Variants in NWD1 observed in about 807,000 individuals in gnomAD.
NWD1 encodes the protein NACHT domain- and WD repeat-containing protein 1.
A neutral mutation model predicts 135.1 loss-of-function variants in NWD1; 129 were observed. That is an observed-to-expected ratio of 0.96 (90% CI 0.83 to 1.11). The LOEUF (loss-of-function observed/expected upper bound fraction) is 1.11, where lower values mean the gene tolerates loss of function less well. Among genes scored for constraint, NWD1 ranks in the 50% least tolerant of loss-of-function variants. The pLI, the probability that NWD1 is intolerant of heterozygous loss-of-function variation, is 0.00. For missense variants in NWD1, 1,740 were observed against 1,851.3 expected (o/e 0.94, Z 1.10); for synonymous variants, 773 against 786.0 (o/e 0.98, Z 0.28).
At chr19:16,773,943 C>CATCCATCCATCCATCCATCCATCCATCT (rs1285040221) in intron 11 of NWD1, among the ~76,000 whole-genome samples, 1 of 45,930 alleles carries the variant, frequency 2.2e-5, no homozygotes, top group Non-Finnish European at 4.0e-5. Context: ...TCCATCTATC[C>CATCCATCCATCCATCCATCCATCCATCT]ATCCATCCAT....
Position 16,744,951 on chromosome 19 carries a change from C to T in NWD1, c.496+233C>T. 11 of 647,164 alleles carry T rather than the reference C, an allele frequency of 1.7e-5. No individual in the cohort carries two copies. In the South Asian group the frequency reaches 1.9e-4, roughly 11 times the overall value. 40.1% of individuals were successfully genotyped at this position (647,164 alleles called of 1,614,324 possible). On this transcript the variant is annotated intron_variant, in intron 5 of 18. Transcript: ENST00000524140. ...TTCCTCTCCTCGCTGGCTCTTTCTT[C>T]TTGTCTCCCAGGGAGGTTCCTGGCA... is the stretch of plus-strand genomic sequence containing the variant.
rs1454803792 is a variant in NWD1, at chr19:16,788,988, T to G, written c.2738T>G (p.Val913Gly). 2 of 1,610,660 alleles carry G rather than the reference T, an allele frequency of 1.2e-6. No homozygotes were observed. Among genetic ancestry groups the G allele is most frequent in the Non-Finnish European group, 1.7e-6 (2 of 1,178,874 alleles). ...CTACCCTGGCCTGCTGCAGGAGAGG[T>G]GAGGTGTGTGAAAATATTTGCCAAA... ...IHMLTGHTGE[V>G]RCVKIFAKGT... The change falls in exon 13 of 19, where the codon GTG (valine) becomes GGG (glycine). Residue 913 changes from valine to glycine, a missense_variant. Physicochemically the swap from Val to Gly is moderately radical, Grantham distance 109 (BLOSUM62 -3). Transcript: ENST00000524140.
At chr19:16,781,351 G>T (rs773925) in intron 12 of NWD1, among the ~76,000 whole-genome samples, 1 of 151,984 alleles carries the variant, frequency 6.6e-6, no homozygotes, top group Non-Finnish European at 1.5e-5. Context: ...TTGGCTGGGC[G>T]TGGTGGCTTA....
At chr19:16,720,914 G>C (rs937056388) in intron 1 of NWD1, among the ~76,000 whole-genome samples, 3 of 151,736 alleles carry the variant, frequency 2.0e-5, no homozygotes, top group East Asian at 3.9e-4. Context: ...GCAGTGGCAC[G>C]ATCTCGGCTC....
chr19:16,786,692 G>T (rs60581811), intron 12 of NWD1, among the ~76,000 whole-genome samples: 6 of 151,728 alleles, frequency 4.0e-5, no homozygotes, highest in Non-Finnish European at 5.9e-5. Flanking sequence ...GATTACAGGC[G>T]CACACCACCA....
chr19:16,759,780 G>A (rs1309368040), intron 7 of NWD1, among the ~76,000 whole-genome samples: 1 of 151,720 alleles, frequency 6.6e-6, no homozygotes, highest in Non-Finnish European at 1.5e-5. Context: ...GATCACCTGA[G>A]GTCAGGAGTT....
chr19:16,749,146 G>A lies in NWD1; in HGVS notation c.504G>A (p.Glu168=), dbSNP rs778599464. The A allele has an allele frequency of 2.5e-6, 4 of 1,596,920 alleles. No homozygotes were observed. The East Asian group carries it at 6.7e-5, about 27-fold the overall frequency. ...QWQHYHRSVI[E]WEIERSLLSS... ...CCTTCCCCACTTTGGCAGTCATTGA[G>A]TGGGAGATAGAGCGGAGCCTGCTGA... is the stretch of plus-strand genomic sequence containing the variant. Residue 168 remains glutamate, a synonymous_variant, in exon 6 of 19, where the codon GAG becomes GAA. Transcript: ENST00000524140.
chr19:16,807,919 T>C lies in NWD1; in HGVS notation c.4070T>C (p.Leu1357Pro). 1 of 1,614,214 alleles carries C rather than the reference T, an allele frequency of 6.2e-7. No homozygotes were observed. Among genetic ancestry groups the C allele is most frequent in the Non-Finnish European group, 8.5e-7 (1 of 1,180,048 alleles). The change falls in exon 18 of 19, where the codon CTG (leucine) becomes CCG (proline). Residue 1357 changes from leucine to proline, a missense_variant. By Grantham distance (98) the Leu-to-Pro change is moderately conservative (BLOSUM62 -3). Transcript: ENST00000524140. ...LPETLSSVAI[L>P]TDYRVVYSMT... ...GAGACCCTCTCCAGCGTGGCCATTC[T>C]GACGGACTACCGCGTGGTCTACAGC...
chr19:16,788,397 G>C (rs560063122), intron 12 of NWD1, among the ~76,000 whole-genome samples: 1 of 150,090 alleles, frequency 6.7e-6, no homozygotes, highest in African/African-American at 2.4e-5. Context: ...AGTCAAACCC[G>C]TCTCCACTAA....
chr19:16,793,301 A>G (rs901710031), intron 14 of NWD1, among the ~76,000 whole-genome samples: 5 of 152,042 alleles, frequency 3.3e-5, no homozygotes, highest in Admixed American at 3.3e-4. Context: ...TGGCACGATC[A>G]TGGCTCCCTG....
intron 4 of NWD1, among the ~76,000 whole-genome samples, chr19:16,738,448 G>A (rs8103361): frequency 0.68 from 103,113 of 151,098 alleles, 36,601 homozygotes; most frequent in African/African-American, 0.83. Context: ...ACATGCCTGT[G>A]ATCCCAGCTA....
At chr19:16,736,185 T>TTCTTTCCTTCC (rs1967801620) in intron 3 of NWD1, among the ~76,000 whole-genome samples, 1 of 27,106 alleles carries the variant, frequency 3.7e-5, no homozygotes, top group Non-Finnish European at 9.6e-5. Context: ...TCTTTCCTTC[T>TTCTTTCCTTCC]TTCCTTCTTT....
intron 10 of NWD1, 64 bp downstream of exon 10, chr19:16,765,256 C>G (rs1226289937): frequency 1.6e-5 from 23 of 1,451,172 alleles, no homozygotes; most frequent in Non-Finnish European, 2.2e-5. Context: ...AACATGCTCT[C>G]CTCATTGAGT....
chr19:16,801,735 A>G (rs1970607863), intron 17 of NWD1: 1 of 152,256 alleles, frequency 6.6e-6, no homozygotes, highest in Non-Finnish European at 1.5e-5. Flanking sequence ...CAACAATAAA[A>G]AAAGAAATTT....
chr19:16,788,948 C>G (rs1970147985), intron 12 of NWD1, 34 bp from the exon 13 acceptor site: 6 of 1,528,982 alleles, frequency 3.9e-6, no homozygotes, highest in Non-Finnish European at 5.4e-6. Context: ...ATGTTCCCAG[C>G]TAATATACTC....
chr19:16,767,982 CTTTTTTTTTTTT>C (rs963453075), intron 10 of NWD1, among the ~76,000 whole-genome samples: 5 of 83,568 alleles, frequency 6.0e-5, no homozygotes, highest in Admixed American at 1.6e-4. Flanking sequence ...AATTTCCTTC[CTTTTTTTTTTTT>C]TTTTTTTTTT....
chr19:16,764,091 C>T, intron 9 of NWD1, 146 bp downstream of exon 9: 1 of 598,240 alleles, frequency 1.7e-6, no homozygotes, highest in African/African-American at 1.9e-5. Context: ...AATTCTACAC[C>T]CAGGGGATGC....
At chr19:16,732,355 G>A (rs1418520062) in intron 3 of NWD1, among the ~76,000 whole-genome samples, 1 of 151,990 alleles carries the variant, frequency 6.6e-6, no homozygotes, top group African/African-American at 2.4e-5. Flanking sequence ...CTTGCAGTGT[G>A]ACCTTGGACA....
intron 2 of NWD1, among the ~76,000 whole-genome samples, chr19:16,725,955 T>G (rs1286311005): frequency 2.1e-5 from 3 of 142,100 alleles, no homozygotes; most frequent in South Asian, 2.3e-4. Flanking sequence ...GTTTTTTTTT[T>G]GTTTGTTTTT....
Sources: allele counts gnomAD v4.1 joint callset (sites outside exome capture counted in the v4.1 genomes callset), GRCh38; gene constraint gnomAD v4.1.1; transcripts MANE v1.5; gene names NCBI Gene and HGNC (gene_info 2026-07-23, HGNC 2026-07-21).